The following SLC25A14 variants were observed in gnomAD, a reference collection of about 807,000 sequenced individuals.
SLC25A14 encodes solute carrier family 25 member 14, also known as brain mitochondrial carrier protein 1.
Under a neutral mutation model 28.1 loss-of-function variants are expected in SLC25A14, and 8 were observed. That is an observed-to-expected ratio of 0.28 (90% CI 0.17 to 0.51). The LOEUF is 0.51. Ranked by LOEUF, SLC25A14 falls within the 20% of genes least tolerant of loss-of-function variation. The pLI, the probability that SLC25A14 is intolerant of heterozygous loss-of-function variation, is 0.97. For missense variants in SLC25A14, 135 were observed against 263.8 expected (o/e 0.51, Z 3.38); for synonymous variants, 74 against 90.6 (o/e 0.82, Z 1.04).
intron 6 of SLC25A14, among the ~76,000 whole-genome samples, chrX:130,356,066 T>C (rs2034792896): frequency 9.0e-6 from 1 of 110,954 alleles, no homozygotes; most frequent in Non-Finnish European, 1.9e-5. Flanking sequence ...ATTTCTCCTT[T>C]GTAGTTTCCT....
intron 4 of SLC25A14, 97 bp downstream of exon 4, chrX:130,346,788 C>A: frequency 1.4e-6 from 1 of 714,460 alleles, no homozygotes; most frequent in Non-Finnish European, 2.1e-6. Flanking sequence ...TTCATATTCA[C>A]CATTTCAACT....
chrX:130,348,943 C>T lies in SLC25A14; in HGVS notation c.318-308C>T, dbSNP rs2033540521. Among the ~76,000 whole-genome samples, 7 of 109,181 alleles carry T rather than the reference C, an allele frequency of 6.4e-5. No individual in the cohort carries two copies. The South Asian group carries it at 2.8e-3, about 43-fold the overall frequency. The allele number at this position is 109,181 out of a possible 115,157, so 94.8% of individuals were successfully genotyped here. On this transcript the variant is annotated intron_variant, in intron 4 of 10. Coordinates refer to ENST00000545805, the MANE Select transcript of SLC25A14 (RefSeq NM_001282195.2). ...TTCCTTTGACAGACACTTGGTCTGACCAATAGATTATTTAGATATATATTG... is the reference window on the plus strand; with the variant it reads ...TTCCTTTGACAGACACTTGGTCTGATCAATAGATTATTTAGATATATATTG...
intron 6 of SLC25A14, among the ~76,000 whole-genome samples, chrX:130,356,217 C>CTTTTT (rs145822008): frequency 3.8e-5 from 2 of 52,055 alleles, no homozygotes; most frequent in African/African-American, 8.4e-5. Context: ...CAAGGGCAAT[C>CTTTTT]TTTTTTTTTT....
chrX:130,346,652 G>A lies in SLC25A14; in HGVS notation c.278G>A (p.Arg93His). Residue 93 changes from arginine to histidine, a missense_variant, in exon 4 of 11, where the codon CGC (arginine) becomes CAC (histidine). Physicochemically the swap from Arg to His is conservative, Grantham distance 29. Coordinates refer to ENST00000545805, the MANE Select transcript of SLC25A14 (RefSeq NM_001282195.2). ...KYRGMFHALF[R>H]ICKEEGVLAL... Reference sequence around the variant, plus strand: ...AGAGGGATGTTCCATGCGCTGTTTCGCATCTGTAAAGAGGAAGGTGTATTG... The same window carrying A: ...AGAGGGATGTTCCATGCGCTGTTTCACATCTGTAAAGAGGAAGGTGTATTG... 3 of 1,208,198 alleles carry A rather than the reference G, an allele frequency of 2.5e-6. No individual in the cohort carries two copies. The highest frequency in any genetic ancestry group is 2.2e-6 in the Non-Finnish European group (2 of 892,517).
At position 130,368,694 on chromosome X, in the gene SLC25A14, G is replaced by A. The variant is rs981606422; in HGVS notation, c.856-2870G>A. On this transcript the variant is annotated intron_variant, in intron 9 of 10. Coordinates refer to ENST00000545805, the MANE Select transcript of SLC25A14 (RefSeq NM_001282195.2). Reference sequence around the variant, plus strand: ...GAGTATATCCTTTAACTCTCACAGCGACCTTGTGGAGTAGATATTATCTTT... The same window carrying A: ...GAGTATATCCTTTAACTCTCACAGCAACCTTGTGGAGTAGATATTATCTTT... Among the ~76,000 whole-genome samples, 4 of 112,067 alleles carry A rather than the reference G, an allele frequency of 3.6e-5. No individual in the cohort carries two copies. In the East Asian group the frequency reaches 8.4e-4, roughly 23 times the overall value.
intron 5 of SLC25A14, chrX:130,349,895 T>G (rs2033570576): frequency 8.9e-6 from 1 of 112,023 alleles, no homozygotes; most frequent in Non-Finnish European, 1.9e-5. Context: ...AATCACTTTA[T>G]TGTCCTAAAG....
intron 2 of SLC25A14, among the ~76,000 whole-genome samples, chrX:130,344,695 A>G (rs1029009218): frequency 2.8e-4 from 31 of 111,858 alleles, no homozygotes; most frequent in African/African-American, 9.7e-4. Flanking sequence ...TAGAAACCCT[A>G]TAGTAGAGAG....
chrX:130,339,981 G>A lies in SLC25A14; in HGVS notation c.-173+5G>A, dbSNP rs979480817. ...TCGTCCGATGAGCCCGAGCAGGTGA[G>A]GGGGAGCTCCTGGACTTCCAGGCTG... On this transcript the variant is annotated splice_donor_5th_base_variant and intron_variant, in intron 1 of 10. Coordinates refer to ENST00000545805, the MANE Select transcript of SLC25A14 (RefSeq NM_001282195.2). 27 of 910,605 alleles carry A rather than the reference G, an allele frequency of 3.0e-5. No individual in the cohort carries two copies. Among genetic ancestry groups the A allele is most frequent in the African/African-American group, 4.1e-5 (2 of 48,194 alleles). 75.0% of individuals were successfully genotyped at this position (910,605 alleles called of 1,213,427 possible).
chrX:130,366,721 T>C (rs1266814900), intron 9 of SLC25A14, among the ~76,000 whole-genome samples: 2 of 112,311 alleles, frequency 1.8e-5, no homozygotes. Context: ...TGAAAGTTTT[T>C]AATCAGATTA....
intron 8 of SLC25A14, 44 bp from the exon 9 acceptor site, chrX:130,365,494 GGCA>G: frequency 8.3e-7 from 1 of 1,204,631 alleles, no homozygotes; most frequent in African/African-American, 1.7e-5. Context: ...TGTTTAAGTG[GGCA>G]GGGAGTGAAA....
At chrX:130,348,019 TATC>T (rs2033496600) in intron 4 of SLC25A14, among the ~76,000 whole-genome samples, 2 of 111,634 alleles carry the variant, frequency 1.8e-5, no homozygotes, top group African/African-American at 6.5e-5. Flanking sequence ...TCTTTAAGGT[TATC>T]ATAGTTTGGG....
At chrX:130,347,516 C>T (rs1423664238) in intron 4 of SLC25A14, among the ~76,000 whole-genome samples, 3 of 111,255 alleles carry the variant, frequency 2.7e-5, no homozygotes, top group Non-Finnish European at 5.7e-5. Context: ...CTATTTATAC[C>T]TCCTACAGTA....
intron 6 of SLC25A14, among the ~76,000 whole-genome samples, chrX:130,351,876 T>A (rs577925109): frequency 5.9e-4 from 66 of 111,796 alleles, no homozygotes; most frequent in South Asian, 4.5e-3. Flanking sequence ...ATGATAGTAA[T>A]TTACAGAATT....
At chrX:130,346,785 TC>T in intron 4 of SLC25A14, 94 bp downstream of exon 4, 2 of 739,631 alleles carry the variant, frequency 2.7e-6, no homozygotes, top group Middle Eastern at 3.1e-4. Context: ...CGTTTCATAT[TC>T]ACCATTTCAA....
At chrX:130,368,593 G>A (rs2034181423) in intron 9 of SLC25A14, among the ~76,000 whole-genome samples, 1 of 112,595 alleles carries the variant, frequency 8.9e-6, no homozygotes, top group Admixed American at 9.4e-5. Context: ...AAGATTTACT[G>A]TAAGATTTAC....
chrX:130,353,141 T>C (rs1274893233), intron 6 of SLC25A14, among the ~76,000 whole-genome samples: 1 of 112,108 alleles, frequency 8.9e-6, no homozygotes. Flanking sequence ...GCTAGTCAGC[T>C]GTCCCAGTAC....
At position 130,346,626 on chromosome X, in the gene SLC25A14, T is replaced by C. The variant is rs201214496; in HGVS notation, c.252T>C (p.Tyr84=). Residue 84 remains tyrosine, a synonymous_variant, in exon 4 of 11, where the codon TAT becomes TAC. Transcript: ENST00000545805. The part of the protein sequence containing the change: ...SIDARFKEIK[Y]RGMFHALFRI... ...ATGCCCGTTTCAAAGAGATAAAATATAGAGGGATGTTCCATGCGCTGTTTC... is the reference window on the plus strand; with the variant it reads ...ATGCCCGTTTCAAAGAGATAAAATACAGAGGGATGTTCCATGCGCTGTTTC... 32 of 1,206,108 alleles carry C rather than the reference T, an allele frequency of 2.7e-5. No homozygotes were observed. In the African/African-American group the frequency reaches 3.0e-4, roughly 11 times the overall value.
At position 130,345,271 on chromosome X, in the gene SLC25A14, G is replaced by A. The variant is rs1448054403; in HGVS notation, c.165G>A (p.Glu55=). Residue 55 remains glutamate (E), a synonymous_variant, in exon 3 of 11, where the codon GAG becomes GAA. Transcript: ENST00000545805. The stretch of plus-strand genomic sequence containing the variant: ...GCGGCCTTGCCTCTATCGTGGCTGA[G>A]TTTGGTAAGAATGTGAGAAATGACA... ...VYGGLASIVA[E]FGTFPVDLTK... 1 of 1,147,910 alleles carries A rather than the reference G, an allele frequency of 8.7e-7. No individual in the cohort carries two copies. Among genetic ancestry groups the A allele is most frequent in the East Asian group, 3.0e-5 (1 of 33,612 alleles). The allele number at this position is 1,147,910 out of a possible 1,213,427, so 94.6% of individuals were successfully genotyped here. A position where few individuals can be genotyped will look rare whatever the true frequency, so the allele number is the denominator to read the frequency against.
rs1004559926 is a variant in SLC25A14 at position 130,346,606 on chromosome X, C to T, written c.232C>T (p.Arg78Cys). The change falls in exon 4 of 11, where the codon CGT becomes TGT. Residue 78 changes from arginine (R) to cysteine (C), a missense_variant. Arg to Cys is a radical substitution (Grantham distance 180, BLOSUM62 -3). Coordinates refer to ENST00000545805, the MANE Select transcript of SLC25A14 (RefSeq NM_001282195.2). ...LQVQGQSIDA[R>C]FKEIKYRGMF... Reference sequence around the variant, plus strand: ...GGTTCAAGGCCAAAGCATTGATGCCCGTTTCAAAGAGATAAAATATAGAGG... The same window carrying T: ...GGTTCAAGGCCAAAGCATTGATGCCTGTTTCAAAGAGATAAAATATAGAGG... The T allele has an allele frequency of 6.6e-6, 8 of 1,206,788 alleles. No individual in the cohort carries two copies. Among genetic ancestry groups the T allele is most frequent in the Admixed American group, 2.2e-5 (1 of 45,965 alleles).
Sources: gnomAD v4.1 joint callset for allele counts (sites outside exome capture counted in the v4.1 genomes callset) on GRCh38, gnomAD v4.1.1 for gene constraint, MANE v1.5 for transcripts, NCBI Gene and HGNC (gene_info 2026-07-23, HGNC 2026-07-21) for gene names.